FOXP2: variants seen among roughly 807,000 people sequenced by gnomAD.
FOXP2 encodes the protein forkhead box protein P2.
A neutral mutation model predicts 115.8 loss-of-function variants in FOXP2; 12 were observed. That is an observed-to-expected ratio of 0.10 (90% CI 0.07 to 0.17). FOXP2 has a LOEUF of 0.17. Among genes scored for constraint, FOXP2 ranks in the 10% least tolerant of loss-of-function variants. The probability of loss-of-function intolerance (pLI) is 1.00; values close to 1 mark genes in which losing one functional copy is unlikely to be tolerated. For missense variants in FOXP2, 629 were observed against 843.5 expected, an observed-to-expected ratio of 0.75 and a Z score of 3.15; for synonymous variants, 328 against 297.7, an observed-to-expected ratio of 1.10 and a Z score of -1.05.
At chr7:114,363,126 TAGAG>T (rs750808037) in intron 2 of FOXP2, among the ~76,000 whole-genome samples, 4 of 152,204 alleles carry the variant, frequency 2.6e-5, no homozygotes, top group Admixed American at 1.3e-4. Flanking sequence ...TAAAATGTAA[TAGAG>T]ATTCACCCAT....
chr7:114,238,462 T>C (rs1005552697), intron 1 of FOXP2, among the ~76,000 whole-genome samples: 1 of 152,204 alleles, frequency 6.6e-6, no homozygotes, highest in African/African-American at 2.4e-5. Flanking sequence ...AGAAATAAGA[T>C]GAGTACTTCT....
chr7:114,557,584 A>T (rs1359570071), intron 3 of FOXP2, among the ~76,000 whole-genome samples: 1 of 150,210 alleles, frequency 6.7e-6, no homozygotes, highest in African/African-American at 2.5e-5. Context: ...ATTGTTTTCA[A>T]AATTTTCTTA....
intron 1 of FOXP2, among the ~76,000 whole-genome samples, chr7:114,215,651 A>ATT (rs1794468333): frequency 6.6e-6 from 1 of 151,120 alleles, no homozygotes; most frequent in Non-Finnish European, 1.5e-5. Flanking sequence ...TGGTTAAGAT[A>ATT]CTGCTTTTTT....
At chr7:114,645,770 G>C (rs992695322) in intron 8 of FOXP2, 4 of 152,092 alleles carry the variant, frequency 2.6e-5, no homozygotes, top group African/African-American at 7.2e-5. Context: ...AGGGTATAGA[G>C]CAAAAGCACC....
intron 2 of FOXP2, among the ~76,000 whole-genome samples, chr7:114,391,682 T>C (rs1387223761): frequency 6.6e-6 from 1 of 152,200 alleles, no homozygotes; most frequent in Non-Finnish European, 1.5e-5. Flanking sequence ...AAATATACTT[T>C]TTTCAGAAGA....
At chr7:114,677,172 C>CAAAAAAA (rs538753120) in intron 16 of FOXP2, among the ~76,000 whole-genome samples, 7 of 52,900 alleles carry the variant, frequency 1.3e-4, no homozygotes, top group South Asian at 7.2e-4. Flanking sequence ...TCTCAAAAAA[C>CAAAAAAA]AAAAAAAAAA....
At chr7:114,602,484 A>G (rs1460382287) in intron 3 of FOXP2, among the ~76,000 whole-genome samples, 1 of 152,056 alleles carries the variant, frequency 6.6e-6, no homozygotes, top group Non-Finnish European at 1.5e-5. Flanking sequence ...AAGAGCACCT[A>G]AAAGATTCCT....
intron 2 of FOXP2, among the ~76,000 whole-genome samples, chr7:114,490,472 G>A (rs1030403648): frequency 6.6e-6 from 1 of 151,878 alleles, no homozygotes; most frequent in Non-Finnish European, 1.5e-5. Flanking sequence ...TACTTTCTAT[G>A]ATATTCTATA....
chr7:114,127,966 T>C (rs1791763717), intron 1 of FOXP2, among the ~76,000 whole-genome samples: 1 of 152,190 alleles, frequency 6.6e-6, no homozygotes, highest in Non-Finnish European at 1.5e-5. Flanking sequence ...AAATGTGATT[T>C]TCAAAATAGT....
At chr7:114,252,897 T>G (rs1795490545) in intron 1 of FOXP2, among the ~76,000 whole-genome samples, 1 of 152,202 alleles carries the variant, frequency 6.6e-6, no homozygotes, top group East Asian at 1.9e-4. Context: ...GGTGTCAATT[T>G]TAGATCTTTC....
At chr7:114,277,570 A>G (rs1460447007) in intron 1 of FOXP2, among the ~76,000 whole-genome samples, 1 of 152,150 alleles carries the variant, frequency 6.6e-6, no homozygotes, top group Non-Finnish European at 1.5e-5. Flanking sequence ...AGTTTCCTAC[A>G]GATTCTCATC....
chr7:114,319,314 C>T (rs973461223), intron 2 of FOXP2, among the ~76,000 whole-genome samples: 23 of 152,280 alleles, frequency 1.5e-4, no homozygotes, highest in Admixed American at 2.6e-4. Flanking sequence ...CTGGGGAAGC[C>T]CACAGTTCTT....
intron 2 of FOXP2, among the ~76,000 whole-genome samples, chr7:114,331,293 A>ATTGGAC (rs1182577321): frequency 1.2e-4 from 19 of 152,232 alleles, no homozygotes; most frequent in African/African-American, 4.6e-4. Flanking sequence ...AAAGAATTTT[A>ATTGGAC]AAATTCCTTT....
chr7:114,412,487 G>T (rs1793188342), upstream of FOXP2, among the ~76,000 whole-genome samples: 1 of 152,078 alleles, frequency 6.6e-6, no homozygotes, highest in South Asian at 2.1e-4. Context: ...TAATACATTT[G>T]TGTGTGTGTG....
intron 2 of FOXP2, among the ~76,000 whole-genome samples, chr7:114,452,860 T>A (rs1795131042): frequency 6.6e-6 from 1 of 152,112 alleles, no homozygotes; most frequent in Non-Finnish European, 1.5e-5. Context: ...ATGTTAGTTT[T>A]CAGATGATCT....
At chr7:114,138,071 AC>A (rs1792090401) in intron 1 of FOXP2, among the ~76,000 whole-genome samples, 1 of 152,138 alleles carries the variant, frequency 6.6e-6, no homozygotes, top group African/African-American at 2.4e-5. Context: ...GAAAATAAAT[AC>A]CCATGAGCCC....
intron 16 of FOXP2, among the ~76,000 whole-genome samples, chr7:114,679,944 C>T (rs1807998222): frequency 6.6e-6 from 1 of 152,184 alleles, no homozygotes; most frequent in African/African-American, 2.4e-5. Context: ...AACCATTGTC[C>T]ATGCAGCCCC....
chr7:114,244,325 T>G (rs1009882000), intron 1 of FOXP2, among the ~76,000 whole-genome samples: 2 of 152,198 alleles, frequency 1.3e-5, no homozygotes, highest in Non-Finnish European at 2.9e-5. Context: ...TGTTACCTTT[T>G]GCCTAATGTC....
At chr7:114,557,142 A>G (rs1415697741) in intron 3 of FOXP2, among the ~76,000 whole-genome samples, 1 of 152,178 alleles carries the variant, frequency 6.6e-6, no homozygotes, top group Non-Finnish European at 1.5e-5. Context: ...GTTTTCATAC[A>G]TTGTTGGACA....
Sources: allele counts gnomAD v4.1 joint callset (sites outside exome capture counted in the v4.1 genomes callset), GRCh38; gene constraint gnomAD v4.1.1; transcripts MANE v1.5; gene names NCBI Gene and HGNC (gene_info 2026-07-23, HGNC 2026-07-21).